The following IGF2BP1 variants were observed in gnomAD, a reference collection of about 807,000 sequenced individuals.
IGF2BP1 encodes the protein insulin like growth factor 2 mRNA binding protein 1.
In IGF2BP1, 11 loss-of-function variants were observed where a neutral mutation model predicts 74.9. The ratio of observed to expected loss-of-function variants is 0.15; its 90% CI spans 0.09 to 0.24. The LOEUF (loss-of-function observed/expected upper bound fraction) is 0.24. IGF2BP1 is among the 10% of genes least tolerant of loss of function. The pLI is 1.00. For missense variants in IGF2BP1, 440 were observed against 757.4 expected, an observed-to-expected ratio of 0.58 and a Z score of 4.92; for synonymous variants, 287 against 281.8, an observed-to-expected ratio of 1.02 and a Z score of -0.18.
At chr17:49,010,847 G>A (rs553232684) in intron 2 of IGF2BP1, among the ~76,000 whole-genome samples, 1 of 152,054 alleles carries the variant, frequency 6.6e-6, no homozygotes, top group East Asian at 1.9e-4. Context: ...ACAAACTCAG[G>A]AACGAAAATA....
chr17:49,026,671 T>TCCTGCCTTCCTTCCTG (rs1463770705), intron 4 of IGF2BP1, among the ~76,000 whole-genome samples, 154 bp downstream of exon 4: 92 of 134,440 alleles, frequency 6.8e-4, no homozygotes, highest in African/African-American at 2.5e-3. Context: ...CTTCCTGCCT[T>TCCTGCCTTCCTTCCTG]CCTTCCTGCC....
Position 48,997,788 on chromosome 17 carries a change from C to T in IGF2BP1, c.43C>T (p.Pro15Ser). The change falls in exon 1 of 15, where the codon CCC becomes TCC. Residue 15 changes from proline (P) to serine (S), a missense_variant. Pro to Ser is a moderately conservative substitution (Grantham distance 74). Around this residue, in one of 5 missense-constraint regions of IGF2BP1, gnomAD observed 105 missense variants for 199.4 expected, o/e 0.53. Coordinates refer to ENST00000290341, the MANE Select transcript of IGF2BP1 (RefSeq NM_006546.4). The surrounding 1 kb of genome is among the most constrained non-coding windows in gnomAD (Gnocchi z 4.8). ...CGGCAACCTCAACGAGAGCGTGACCCCCGCGGACTTGGAGAAAGTGTTTGC... is the reference window on the plus strand; with the variant it reads ...CGGCAACCTCAACGAGAGCGTGACCTCCGCGGACTTGGAGAAAGTGTTTGC... ...YIGNLNESVT[P>S]ADLEKVFAEH... 9 of 1,614,112 alleles carry T rather than the reference C, an allele frequency of 5.6e-6. No homozygotes were observed. Among genetic ancestry groups the T allele is most frequent in the Non-Finnish European group, 7.6e-6 (9 of 1,180,012 alleles).
chr17:49,036,277 T>A (rs2041986380), intron 5 of IGF2BP1: 1 of 152,118 alleles, frequency 6.6e-6, no homozygotes, highest in South Asian at 2.1e-4. Context: ...TGCGAGATTG[T>A]GGCCCCAGAG....
At chr17:49,043,105 A>G (rs3816272) in intron 9 of IGF2BP1, among the ~76,000 whole-genome samples, 51,399 of 152,006 alleles carry the variant, frequency 0.34, 9,238 homozygotes, top group African/African-American at 0.42. Flanking sequence ...GGGTTATAGT[A>G]TAGTGTCATG....
intron 2 of IGF2BP1, chr17:49,015,019 C>G: frequency 1.2e-6 from 1 of 832,262 alleles, no homozygotes; most frequent in Non-Finnish European, 1.4e-6. Flanking sequence ...TCTGAAACCC[C>G]GAGTGCCTGA....
At chr17:48,998,016 C>G (rs2041429404) in intron 1 of IGF2BP1, 96 bp downstream of exon 1, 2 of 1,428,524 alleles carry the variant, frequency 1.4e-6, no homozygotes, top group Non-Finnish European at 1.9e-6. Context: ...CTCCTCTCTT[C>G]CCGGGCCTGC....
At chr17:49,008,203 G>A (rs2041573892) in intron 2 of IGF2BP1, among the ~76,000 whole-genome samples, 1 of 151,650 alleles carries the variant, frequency 6.6e-6, no homozygotes, top group Admixed American at 6.6e-5. Context: ...ATAAATTGAA[G>A]GGCAAAGATA....
chr17:49,044,186 T>A (rs1181084197), intron 11 of IGF2BP1, 100 bp downstream of exon 11: 9 of 1,477,600 alleles, frequency 6.1e-6, no homozygotes, highest in Non-Finnish European at 8.2e-6. Context: ...ATTTGAGAAT[T>A]CTGTGTGTCA....
In IGF2BP1 at chr17:49,044,196, A is replaced by G. The variant is rs564517811; in HGVS notation, c.1320+110A>G. On this transcript the variant is annotated intron_variant, in intron 11 of 14. Transcript: ENST00000290341. ...TACTCATTTGAGAATTCTGTGTGTC[A>G]TATGAGGGACCTTTCCCCCATGGAA... is the stretch of plus-strand genomic sequence containing the variant. 5.6e-5 allele frequency: 80 copies of G among 1,424,114 alleles called. 2 individuals carry two copies. In the African/African-American group the frequency reaches 8.4e-4, roughly 15 times the overall value. 88.2% of individuals were successfully genotyped at this position (1,424,114 alleles called of 1,614,324 possible). A position where few individuals can be genotyped will look rare whatever the true frequency, so the allele number is the denominator to read the frequency against.
chr17:49,016,788 A>AGCCCGCCC (rs1376099854), intron 2 of IGF2BP1, among the ~76,000 whole-genome samples: 1 of 108,418 alleles, frequency 9.2e-6, no homozygotes, highest in African/African-American at 3.6e-5. Flanking sequence ...ACAGCCCGCC[A>AGCCCGCCC]GCCCGCCCGC....
chr17:49,023,133 C>T (rs2041812321), intron 2 of IGF2BP1, among the ~76,000 whole-genome samples: 1 of 152,186 alleles, frequency 6.6e-6, no homozygotes, highest in Admixed American at 6.5e-5. Context: ...CTAGGAAATT[C>T]CTCACAAGGG....
In IGF2BP1 at chr17:49,046,311, C is replaced by A; in HGVS notation, c.1579C>A (p.Gln527Lys). ...AGCTGAGGTGGTAGTACCAAGAGAC[C>A]AGACCCCTGATGAGAACGACCAGGT... ...TAAEVVVPRD[Q>K]TPDENDQVIV... The change falls in exon 14 of 15, where the codon CAG becomes AAG. Residue 527 changes from glutamine to lysine, a missense_variant. This residue lies in a region of IGF2BP1 where 117 missense variants were observed against 237.2 expected (regional missense o/e 0.49). Coordinates refer to ENST00000290341, the MANE Select transcript of IGF2BP1 (RefSeq NM_006546.4). 1 of 1,614,116 alleles carries A rather than the reference C, an allele frequency of 6.2e-7. No individual in the cohort carries two copies. The highest frequency in any genetic ancestry group is 8.5e-7 in the Non-Finnish European group (1 of 1,180,018).
chr17:49,013,339 C>T (rs1442362753), intron 2 of IGF2BP1, among the ~76,000 whole-genome samples: 1 of 152,132 alleles, frequency 6.6e-6, no homozygotes, highest in Non-Finnish European at 1.5e-5. Context: ...TCTTTCTCTG[C>T]GGGTTCCGAA....
chr17:49,040,136 G>A, intron 7 of IGF2BP1, 45 bp downstream of exon 7: 1 of 1,605,346 alleles, frequency 6.2e-7, no homozygotes, highest in Non-Finnish European at 8.5e-7. Context: ...TGCTAGTCCA[G>A]TTGAGCCTCC....
At chr17:49,030,665 G>A (rs532715541) in intron 4 of IGF2BP1, among the ~76,000 whole-genome samples, 3 of 149,628 alleles carry the variant, frequency 2.0e-5, no homozygotes, top group Non-Finnish European at 3.0e-5. Context: ...TCGCTCTGTC[G>A]CCCAGGCTGG....
chr17:49,019,973 CACAT>C (rs1403557423), intron 2 of IGF2BP1, among the ~76,000 whole-genome samples: 78 of 79,070 alleles, frequency 9.9e-4, no homozygotes, highest in Middle Eastern at 5.7e-3. Context: ...CACACACACA[CACAT>C]ACACCCACAC....
At chr17:49,018,426 C>T (rs1011865267) in intron 2 of IGF2BP1, among the ~76,000 whole-genome samples, 13 of 152,162 alleles carry the variant, frequency 8.5e-5, no homozygotes, top group African/African-American at 2.7e-4. Context: ...TTGCCTCAGG[C>T]TGATTCCTTC....
At chr17:49,040,968 T>TA (rs1260564207) in intron 7 of IGF2BP1, among the ~76,000 whole-genome samples, 1 of 152,132 alleles carries the variant, frequency 6.6e-6, no homozygotes, top group Non-Finnish European at 1.5e-5. Context: ...CTTTGGAGGC[T>TA]AGGAGTTCTA....
chr17:49,021,072 A>AG (rs2041785975), intron 2 of IGF2BP1, among the ~76,000 whole-genome samples: 1 of 151,878 alleles, frequency 6.6e-6, no homozygotes, highest in Non-Finnish European at 1.5e-5. Context: ...GAGCCTGGGA[A>AG]GTCGAGGCTG....
Sources: allele counts gnomAD v4.1 joint callset (sites outside exome capture counted in the v4.1 genomes callset), GRCh38; gene constraint gnomAD v4.1.1; regional missense constraint gnomAD v4.1.1; non-coding constraint Gnocchi (gnomAD v3.1); transcripts MANE v1.5; gene names NCBI Gene and HGNC (gene_info 2026-07-23, HGNC 2026-07-21).